The following AUTS2 variants were observed in gnomAD, a reference collection of about 807,000 sequenced individuals.
The protein encoded by AUTS2 is autism susceptibility gene 2 protein.
A neutral mutation model predicts 112.4 loss-of-function variants in AUTS2; 17 were observed. The observed-to-expected ratio is 0.15, with a 90% CI of 0.10 to 0.23. The LOEUF (loss-of-function observed/expected upper bound fraction) is 0.23. Ranked by LOEUF, AUTS2 falls within the 10% of genes least tolerant of loss-of-function variation. AUTS2 has a pLI of 1.00. For synonymous variants in AUTS2, 751 were observed against 702.7 expected, an observed-to-expected ratio of 1.07 and a Z score of -1.09; for missense variants, 1,510 against 1,701.6, an observed-to-expected ratio of 0.89 and a Z score of 1.98.
intron 4 of AUTS2, among the ~76,000 whole-genome samples, chr7:70,175,362 G>C (rs893382814): frequency 1.3e-5 from 2 of 152,194 alleles, no homozygotes; most frequent in African/African-American, 4.8e-5. Flanking sequence ...GTCTACTCCT[G>C]GTGAAGATGC....
intron 5 of AUTS2, among the ~76,000 whole-genome samples, chr7:70,513,170 C>A (rs1799270848): frequency 2.0e-5 from 3 of 152,206 alleles, no homozygotes. Flanking sequence ...CTTCATTTGA[C>A]AACTTGGGTT....
chr7:70,091,254 T>C (rs1263071459), intron 2 of AUTS2, among the ~76,000 whole-genome samples: 1 of 152,202 alleles, frequency 6.6e-6, no homozygotes, highest in Non-Finnish European at 1.5e-5. Flanking sequence ...GAATTTCTTT[T>C]ATCACTAGTA....
intron 5 of AUTS2, among the ~76,000 whole-genome samples, chr7:70,679,444 C>T (rs950961994): frequency 2.0e-5 from 3 of 152,140 alleles, no homozygotes; most frequent in Non-Finnish European, 2.9e-5. Flanking sequence ...ATCCCACAGC[C>T]CTTAATGTGA....
intron 4 of AUTS2, among the ~76,000 whole-genome samples, chr7:70,157,617 T>C (rs1052903484): frequency 6.6e-6 from 1 of 152,124 alleles, no homozygotes; most frequent in Non-Finnish European, 1.5e-5. Flanking sequence ...ACCTGGCTCT[T>C]TTCTGTTGTT....
intron 4 of AUTS2, among the ~76,000 whole-genome samples, chr7:70,375,212 T>TA (rs1249353226): frequency 6.6e-6 from 1 of 152,208 alleles, no homozygotes; most frequent in Non-Finnish European, 1.5e-5. Context: ...GCATATATGA[T>TA]AGAGATTTTT....
chr7:70,625,221 G>A (rs990268919), intron 5 of AUTS2, among the ~76,000 whole-genome samples: 6 of 152,072 alleles, frequency 3.9e-5, no homozygotes, highest in Non-Finnish European at 7.4e-5. Context: ...TCTGTTCTCT[G>A]CACCCCCATA....
intron 1 of AUTS2, among the ~76,000 whole-genome samples, chr7:69,778,786 G>A (rs566536284): frequency 6.6e-6 from 1 of 152,246 alleles, no homozygotes; most frequent in South Asian, 2.1e-4. Flanking sequence ...GAGCTAATGA[G>A]TGGGACTGAG....
At chr7:69,735,697 T>C (rs537278874) in intron 1 of AUTS2, among the ~76,000 whole-genome samples, 1 of 152,186 alleles carries the variant, frequency 6.6e-6, no homozygotes, top group East Asian at 1.9e-4. Context: ...AACTAGAGTA[T>C]GGTGAGTTCT....
chr7:69,923,208 A>G lies in AUTS2; in HGVS notation c.522+23710A>G, dbSNP rs529251949. Among the ~76,000 whole-genome samples the G allele has an allele frequency of 1.7e-3, 258 of 152,222 alleles. 1 individual carries two copies. The highest frequency in any genetic ancestry group is 4.5e-3 in the Admixed American group (69 of 15,278). On this transcript the variant is annotated intron_variant, in intron 2 of 18. Coordinates refer to ENST00000342771, the MANE Select transcript of AUTS2 (RefSeq NM_015570.4). Reference sequence around the variant, plus strand: ...AATTTCTTTTGCATATGGATATTCAATTTTTCTGAAGGCATTTTTGAAAAA... The same window carrying G: ...AATTTCTTTTGCATATGGATATTCAGTTTTTCTGAAGGCATTTTTGAAAAA...
chr7:70,410,834 T>G, intron 4 of AUTS2, among the ~76,000 whole-genome samples: 1 of 149,906 alleles, frequency 6.7e-6, no homozygotes, highest in African/African-American at 2.4e-5. Context: ...AGGAAATAAA[T>G]TATTATTATT....
At chr7:70,673,334 T>C (rs1807743080) in intron 5 of AUTS2, among the ~76,000 whole-genome samples, 1 of 152,050 alleles carries the variant, frequency 6.6e-6, no homozygotes, top group Non-Finnish European at 1.5e-5. Context: ...GGACTTTTGG[T>C]ACTCACTTGT....
At chr7:70,377,576 C>G (rs929450474) in intron 4 of AUTS2, among the ~76,000 whole-genome samples, 2 of 151,120 alleles carry the variant, frequency 1.3e-5, no homozygotes, top group Non-Finnish European at 2.9e-5. Flanking sequence ...CTGTTCATCT[C>G]CGGAACATTT....
At position 69,899,517 on chromosome 7, in the gene AUTS2, G is replaced by A. The variant is rs1054529527; in HGVS notation, c.522+19G>A. ...CAGACAGGTGAGGAAGCTTGGGTTC[G>A]CTCTTTCCTGTGGCGGCAAAATCCC... On this transcript the variant is annotated intron_variant, in intron 2 of 18. Transcript: ENST00000342771. 6 of 1,612,160 alleles carry A rather than the reference G, an allele frequency of 3.7e-6. No individual in the cohort carries two copies. The highest frequency in any genetic ancestry group is 1.7e-4 in the Middle Eastern group (1 of 6,018).
intron 4 of AUTS2, among the ~76,000 whole-genome samples, chr7:70,417,572 T>C (rs932821182): frequency 3.9e-5 from 6 of 152,368 alleles, no homozygotes; most frequent in Middle Eastern, 3.4e-3. Flanking sequence ...TGCAAACCGT[T>C]ACTTACATGT....
At chr7:70,601,115 G>A (rs896796423) in intron 5 of AUTS2, among the ~76,000 whole-genome samples, 3 of 152,198 alleles carry the variant, frequency 2.0e-5, no homozygotes, top group Non-Finnish European at 2.9e-5. Flanking sequence ...CAAAGTGACT[G>A]TACCATTTGA....
chr7:70,594,788 T>C (rs549760134), intron 5 of AUTS2, among the ~76,000 whole-genome samples: 4 of 152,076 alleles, frequency 2.6e-5, no homozygotes, highest in African/African-American at 9.6e-5. Context: ...AGCACTAAAA[T>C]GGAGTGGGCA....
rs1797315525 is a variant in AUTS2, at chr7:70,469,938, C to G, written c.690+34157C>G. On this transcript the variant is annotated intron_variant, in intron 5 of 18. Coordinates refer to ENST00000342771, the MANE Select transcript of AUTS2 (RefSeq NM_015570.4). ...TACAGGCATGAGCCACCGCGCCCAG[C>G]CAGGTTCATGGTTTTAGAGACTCAG... Among the ~76,000 whole-genome samples the G allele has an allele frequency of 2.0e-5, 3 of 152,166 alleles. No homozygotes were observed. The South Asian group carries it at 6.2e-4, about 32-fold the overall frequency.
At chr7:69,901,453 AG>A (rs1304485761) in intron 2 of AUTS2, among the ~76,000 whole-genome samples, 2 of 152,218 alleles carry the variant, frequency 1.3e-5, no homozygotes, top group African/African-American at 4.8e-5. Context: ...GAGACTTTCA[AG>A]GTCCTCTGGT....
chr7:70,598,388 A>G (rs1162156976), intron 5 of AUTS2, among the ~76,000 whole-genome samples: 1 of 152,172 alleles, frequency 6.6e-6, no homozygotes, highest in Non-Finnish European at 1.5e-5. Flanking sequence ...TTTATTTCCC[A>G]TGAAATTGTA....
Sources: allele counts gnomAD v4.1 joint callset (sites outside exome capture counted in the v4.1 genomes callset), GRCh38; gene constraint gnomAD v4.1.1; transcripts MANE v1.5; gene names NCBI Gene and HGNC (gene_info 2026-07-23, HGNC 2026-07-21).